ATRN: variants seen among roughly 807,000 people sequenced by gnomAD.
The protein encoded by ATRN is attractin.
Under a neutral mutation model 178.7 loss-of-function variants are expected in ATRN, and 54 were observed. The ratio of observed to expected loss-of-function variants is 0.30; its 90% CI spans 0.24 to 0.38. The LOEUF (loss-of-function observed/expected upper bound fraction) is 0.38, where lower values mean the gene tolerates loss of function less well. Among genes scored for constraint, ATRN ranks in the 10% least tolerant of loss-of-function variants. ATRN has a pLI of 1.00. For missense variants in ATRN, 1,443 were observed against 1,815.1 expected (o/e 0.79, Z 3.73); for synonymous variants, 636 against 663.0 (o/e 0.96, Z 0.63).
At chr20:3,635,935 A>G (rs2087021971) in intron 26 of ATRN, among the ~76,000 whole-genome samples, 1 of 152,218 alleles carries the variant, frequency 6.6e-6, no homozygotes, top group Non-Finnish European at 1.5e-5. Context: ...TTTCAATTTA[A>G]TTTAAATGTA....
At chr20:3,479,175 G>A (rs2084581272) in intron 1 of ATRN, among the ~76,000 whole-genome samples, 2 of 152,094 alleles carry the variant, frequency 1.3e-5, no homozygotes, top group Admixed American at 1.3e-4. Context: ...ACAGGCATGA[G>A]CCACTGCACC....
chr20:3,490,689 A>C (rs6115922), intron 1 of ATRN: 3 of 810,334 alleles, frequency 3.7e-6, no homozygotes, highest in South Asian at 1.3e-5. Context: ...GAGCTCCTCA[A>C]ATTTCACTGA....
At position 3,576,074 on chromosome 20, in the gene ATRN, T is replaced by C. The variant is rs552584936; in HGVS notation, c.2214+126T>C. On this transcript the variant is annotated intron_variant, in intron 13 of 28. Transcript: ENST00000262919. ...CAAATGGGTTTCTATTTGGATTTTATTATCCCTGAGGTTTTCCTTTAGGAA... is the reference window on the plus strand; with the variant it reads ...CAAATGGGTTTCTATTTGGATTTTACTATCCCTGAGGTTTTCCTTTAGGAA... The C allele has an allele frequency of 1.2e-5, 14 of 1,161,110 alleles. No individual in the cohort carries two copies. The South Asian group carries it at 2.0e-4, about 16-fold the overall frequency. 71.9% of individuals were successfully genotyped at this position (1,161,110 alleles called of 1,614,324 possible).
chr20:3,542,410 AG>A (rs894345761), intron 3 of ATRN, among the ~76,000 whole-genome samples: 1 of 152,086 alleles, frequency 6.6e-6, no homozygotes, highest in African/African-American at 2.4e-5. Context: ...AAACAGTGGT[AG>A]CGGTGGTAGA....
intron 1 of ATRN, among the ~76,000 whole-genome samples, chr20:3,513,321 A>C (rs1271610519): frequency 2.0e-5 from 3 of 152,194 alleles, no homozygotes; most frequent in Non-Finnish European, 2.9e-5. Flanking sequence ...TCAGCTTTCT[A>C]CATATGGCTA....
At position 3,581,691 on chromosome 20, in the gene ATRN, G is replaced by C. The variant is rs137957061; in HGVS notation, c.2545-444G>C. 8.5e-5 allele frequency among the ~76,000 whole-genome samples: 13 copies of C among 152,272 alleles called. No individual in the cohort carries two copies. The East Asian group carries it at 2.3e-3, about 27-fold the overall frequency. On this transcript the variant is annotated intron_variant, in intron 15 of 28. Transcript: ENST00000262919. ...TTGGATTTCAGATTAGGGATACTCA[G>C]CCTGTGTTTGGGGGTAGCCATCTCT... is the stretch of plus-strand genomic sequence containing the variant.
At chr20:3,500,137 C>T (rs1200133095) in intron 1 of ATRN, among the ~76,000 whole-genome samples, 1 of 152,122 alleles carries the variant, frequency 6.6e-6, no homozygotes, top group Non-Finnish European at 1.5e-5. Context: ...CAATGAGATA[C>T]CATCTCACAC....
intron 1 of ATRN, among the ~76,000 whole-genome samples, chr20:3,524,205 G>A (rs2085333140): frequency 6.6e-6 from 1 of 150,582 alleles, no homozygotes; most frequent in South Asian, 2.1e-4. Context: ...ACAAAGGGAT[G>A]GAGGAGTATT....
Position 3,632,158 on chromosome 20 carries a change from A to G in ATRN, c.3864-2153A>G, listed in dbSNP as rs2086994440. ...AGATATCTCAGGGTTCTGCATGTCT[A>G]AAATGGATCTACTGATATGTCCAGA... On this transcript the variant is annotated intron_variant, in intron 25 of 28. Transcript: ENST00000262919. This position sits in a 1 kb window ranked among gnomAD's most constrained non-coding sequence, Gnocchi z 4.2. Among the ~76,000 whole-genome samples, 1 of 152,162 alleles carries G rather than the reference A, an allele frequency of 6.6e-6. No individual in the cohort carries two copies. The highest frequency in any genetic ancestry group is 1.5e-5 in the Non-Finnish European group (1 of 68,032).
Position 3,490,449 on chromosome 20 carries a change from A to C in ATRN, c.410+18932A>C, listed in dbSNP as rs998842086. 1.5e-4 allele frequency: 145 copies of C among 950,344 alleles called. 2 individuals carry two copies. The highest frequency in any genetic ancestry group is 1.0e-4 in the Admixed American group (6 of 59,156). The allele number at this position is 950,344 out of a possible 1,614,324, so 58.9% of individuals were successfully genotyped here. On this transcript the variant is annotated intron_variant, in intron 1 of 28. Transcript: ENST00000262919. ...TATCTGTGTAATCCTGAAGTTACTCAAGCAGCATCTCTAGGTATCTCTTAT... is the reference window on the plus strand; with the variant it reads ...TATCTGTGTAATCCTGAAGTTACTCCAGCAGCATCTCTAGGTATCTCTTAT...
intron 1 of ATRN, among the ~76,000 whole-genome samples, chr20:3,502,675 C>G (rs1372083606): frequency 6.6e-6 from 1 of 152,184 alleles, no homozygotes; most frequent in Non-Finnish European, 1.5e-5. Context: ...CTGAGATGTC[C>G]CTTTTCCACT....
At chr20:3,558,523 CAA>C (rs1448784520) in intron 6 of ATRN, among the ~76,000 whole-genome samples, 1 of 130,152 alleles carries the variant, frequency 7.7e-6, no homozygotes, top group Non-Finnish European at 1.6e-5. Context: ...TAAGATATAA[CAA>C]TATCATTTCT....
At chr20:3,641,899 T>G (rs1409566202) in intron 27 of ATRN, among the ~76,000 whole-genome samples, 1 of 152,208 alleles carries the variant, frequency 6.6e-6, no homozygotes, top group Non-Finnish European at 1.5e-5. Flanking sequence ...TAAGAAAGAA[T>G]AGTGAGTAAA....
At chr20:3,644,379 C>T in intron 28 of ATRN, 111 bp downstream of exon 28, 3 of 863,380 alleles carry the variant, frequency 3.5e-6, no homozygotes, top group Admixed American at 2.5e-5. Flanking sequence ...ACCAACAGTG[C>T]CTGCCCATGC....
At chr20:3,642,392 A>G (rs2087076215) in intron 27 of ATRN, among the ~76,000 whole-genome samples, 1 of 152,242 alleles carries the variant, frequency 6.6e-6, no homozygotes, top group South Asian at 2.1e-4. Flanking sequence ...TCCGCCTTTC[A>G]GCACATAACA....
intron 16 of ATRN, 93 bp downstream of exon 16, chr20:3,582,447 A>G (rs1568744358): frequency 2.8e-6 from 3 of 1,080,832 alleles, no homozygotes; most frequent in Admixed American, 3.9e-5. Flanking sequence ...TGAAGTAGTC[A>G]TGAAAACAGA....
chr20:3,539,630 G>A (rs1355244889), intron 2 of ATRN, among the ~76,000 whole-genome samples: 1 of 152,166 alleles, frequency 6.6e-6, no homozygotes, highest in Non-Finnish European at 1.5e-5. Context: ...ACTGCTGGCA[G>A]AATCTAAGTG....
rs1216123350 is a variant in ATRN, at chr20:3,499,764, G to A, written c.410+28247G>A. On this transcript the variant is annotated intron_variant, in intron 1 of 28. Transcript: ENST00000262919. Reference sequence around the variant, plus strand: ...AAACCTAGGCATTACCATTCAGGACGTAGGCATGGGCAAGGACTTCATCTC... The same window carrying A: ...AAACCTAGGCATTACCATTCAGGACATAGGCATGGGCAAGGACTTCATCTC... Among the ~76,000 whole-genome samples the A allele has an allele frequency of 1.3e-4, 20 of 150,944 alleles. No individual in the cohort carries two copies. In the South Asian group the frequency reaches 1.7e-3, roughly 13 times the overall value.
At chr20:3,534,535 C>T (rs1886444928) in intron 1 of ATRN, among the ~76,000 whole-genome samples, 1 of 152,070 alleles carries the variant, frequency 6.6e-6, no homozygotes, top group African/African-American at 2.4e-5. Context: ...TGGGAGATGA[C>T]TCAGAAGGTA....
Sources: allele counts gnomAD v4.1 joint callset (sites outside exome capture counted in the v4.1 genomes callset), GRCh38; gene constraint gnomAD v4.1.1; non-coding constraint Gnocchi (gnomAD v3.1); transcripts MANE v1.5; gene names NCBI Gene and HGNC (gene_info 2026-07-23, HGNC 2026-07-21).